Variants in SEZ6 observed in about 807,000 individuals in gnomAD.
The protein encoded by SEZ6 is seizure protein 6 homolog.
A neutral mutation model predicts 101.0 loss-of-function variants in SEZ6; 53 were observed. That is an observed-to-expected ratio of 0.52 (90% CI 0.42 to 0.66). SEZ6 has a LOEUF of 0.66. SEZ6 is among the 30% of genes least tolerant of loss of function. The probability of loss-of-function intolerance (pLI) is 0.00; values close to 1 mark genes in which losing one functional copy is unlikely to be tolerated. For synonymous variants in SEZ6, 488 were observed against 512.2 expected, an observed-to-expected ratio of 0.95 and a Z score of 0.64; for missense variants, 1,102 against 1,289.4, an observed-to-expected ratio of 0.85 and a Z score of 2.23.
intron 1 of SEZ6, among the ~76,000 whole-genome samples, chr17:28,992,572 C>T (rs974540971): frequency 6.6e-6 from 1 of 152,208 alleles, no homozygotes; most frequent in Non-Finnish European, 1.5e-5. Flanking sequence ...ATATTTCTCT[C>T]CAAGCTGGCT....
intron 3 of SEZ6, among the ~76,000 whole-genome samples, chr17:28,973,303 A>T (rs1167022095): frequency 6.6e-6 from 1 of 152,246 alleles, no homozygotes. Flanking sequence ...CTTCTGTAGA[A>T]ATAACATCTA....
chr17:28,959,746 C>G lies in SEZ6; in HGVS notation c.1723G>C (p.Val575Leu), dbSNP rs768731007. Residue 575 changes from valine to leucine, a missense_variant, in exon 8 of 17, where the codon GTT (valine) becomes CTT (leucine). Coordinates refer to ENST00000317338, the MANE Select transcript of SEZ6 (RefSeq NM_178860.5). This position sits in a 1 kb window ranked among gnomAD's most constrained non-coding sequence, Gnocchi z 4.4. ...LEQGSIIIECVDPHDPQWNET... is the reference protein window; with the variant it reads ...LEQGSIIIECLDPHDPQWNET... The stretch of plus-strand genomic sequence containing the variant: ...TTCCACTGGGGGTCGTGGGGGTCAA[C>G]ACACTCGATGATGATGGAGCCCTGC... 5 of 1,611,344 alleles carry G rather than the reference C, an allele frequency of 3.1e-6. No individual in the cohort carries two copies. Among genetic ancestry groups the G allele is most frequent in the African/African-American group, 1.3e-5 (1 of 74,898 alleles).
At chr17:28,983,513 T>G (rs1348781764) in intron 1 of SEZ6, among the ~76,000 whole-genome samples, 1 of 152,160 alleles carries the variant, frequency 6.6e-6, no homozygotes, top group Non-Finnish European at 1.5e-5. Flanking sequence ...TGAAACTGAT[T>G]TGCTATCTCT....
chr17:28,962,761 A>C (rs948154062), intron 5 of SEZ6, among the ~76,000 whole-genome samples: 1 of 149,624 alleles, frequency 6.7e-6, no homozygotes, highest in Admixed American at 6.7e-5. Context: ...AGCCTGGGTG[A>C]CAGAGGGAGA....
At chr17:28,975,316 G>A (rs1043231360) in intron 3 of SEZ6, among the ~76,000 whole-genome samples, 8 of 152,184 alleles carry the variant, frequency 5.3e-5, no homozygotes, top group African/African-American at 7.2e-5. Flanking sequence ...GCCTATAAGG[G>A]AGCTTGCTGA....
Position 28,959,639 on chromosome 17 carries a change from A to C in SEZ6, c.1771+59T>G. The C allele has an allele frequency of 6.5e-7, 1 of 1,536,898 alleles. No homozygotes were observed. Among genetic ancestry groups the C allele is most frequent in the Non-Finnish European group, 8.8e-7 (1 of 1,142,456 alleles). ...CCCTGTGGCCCCGGGCTCTGCTGCT[A>C]TTCTCCTGGTATGACCCTGCCTTTT... On this transcript the variant is annotated intron_variant, in intron 8 of 16. Transcript: ENST00000317338. The surrounding 1 kb of genome is among the most constrained non-coding windows in gnomAD (Gnocchi z 4.4).
Position 28,959,914 on chromosome 17 carries a change from C to A in SEZ6, c.1577-22G>T, listed in dbSNP as rs1343723971. Reference sequence around the variant, plus strand: ...AAGGCTGTAAACCACAGGTCCCAGCCCAGCTCAGCCTTGACTGGTATTAAA... The same window carrying A: ...AAGGCTGTAAACCACAGGTCCCAGCACAGCTCAGCCTTGACTGGTATTAAA... On this transcript the variant is annotated intron_variant, in intron 7 of 16. Coordinates refer to ENST00000317338, the MANE Select transcript of SEZ6 (RefSeq NM_178860.5). This position sits in a 1 kb window ranked among gnomAD's most constrained non-coding sequence, Gnocchi z 4.4. 1.3e-6 allele frequency: 2 copies of A among 1,586,730 alleles called. No individual in the cohort carries two copies. Among genetic ancestry groups the A allele is most frequent in the Non-Finnish European group, 1.7e-6 (2 of 1,166,842 alleles).
chr17:28,991,958 A>G (rs1240055481), intron 1 of SEZ6, among the ~76,000 whole-genome samples: 1 of 152,148 alleles, frequency 6.6e-6, no homozygotes, highest in Admixed American at 6.5e-5. Context: ...TTGCCCTCAC[A>G]TGTGTGTTCC....
rs1183743068 is a variant in SEZ6 at position 28,959,828 on chromosome 17, G to C, written c.1641C>G (p.Pro547=). The C allele has an allele frequency of 1.9e-6, 3 of 1,613,756 alleles. No homozygotes were observed. The highest frequency in any genetic ancestry group is 2.5e-6 in the Non-Finnish European group (3 of 1,179,850). ...CCACAGTGGTACCCACAGGGTAGGT[G>C]GGTGTGCTGCTGCTGAAGTTACCGT... ...VKYGNFSSST[P]TYPVGTTVEF... Residue 547 remains proline (P), a synonymous_variant, in exon 8 of 17, where the codon CCC becomes CCG. Transcript: ENST00000317338. The surrounding 1 kb of genome is among the most constrained non-coding windows in gnomAD (Gnocchi z 4.4).
intron 5 of SEZ6, among the ~76,000 whole-genome samples, chr17:28,963,123 C>T (rs554663293): frequency 1.5e-3 from 194 of 126,832 alleles, no homozygotes; most frequent in South Asian, 2.5e-3. Flanking sequence ...GACTCCGTCT[C>T]GAAGAAAAAA....
intron 1 of SEZ6, among the ~76,000 whole-genome samples, chr17:29,003,309 T>G (rs1206626612): frequency 6.6e-6 from 1 of 152,222 alleles, no homozygotes; most frequent in Non-Finnish European, 1.5e-5. Flanking sequence ...ACGCCCCTGA[T>G]GCCTGACGCC....
chr17:28,979,608 T>C, intron 3 of SEZ6, 72 bp downstream of exon 3: 2 of 1,596,946 alleles, frequency 1.3e-6, no homozygotes, highest in Non-Finnish European at 8.6e-7. Flanking sequence ...CATCCTCTCA[T>C]AGCATGTGCC....
At chr17:28,961,314 C>G (rs1333078758) in intron 5 of SEZ6, among the ~76,000 whole-genome samples, 3 of 152,134 alleles carry the variant, frequency 2.0e-5, no homozygotes, top group Non-Finnish European at 2.9e-5. Flanking sequence ...CCGACTCTCC[C>G]TAGGTAGACT....
chr17:28,980,349 G>A (rs1269048734), intron 2 of SEZ6, among the ~76,000 whole-genome samples: 1 of 151,306 alleles, frequency 6.6e-6, no homozygotes, highest in Non-Finnish European at 1.5e-5. Flanking sequence ...TAGGATTACA[G>A]GTGTACACCA....
intron 1 of SEZ6, among the ~76,000 whole-genome samples, chr17:28,991,259 C>T (rs547460624): frequency 6.6e-6 from 1 of 152,166 alleles, no homozygotes; most frequent in Non-Finnish European, 1.5e-5. Flanking sequence ...GGCTGGAGTG[C>T]AGTGGCACGA....
chr17:28,974,934 G>A (rs2041202353), intron 3 of SEZ6, among the ~76,000 whole-genome samples: 1 of 152,250 alleles, frequency 6.6e-6, no homozygotes, highest in South Asian at 2.1e-4. Flanking sequence ...TCACTGACCA[G>A]TTGAGGGGCC....
rs1158173969 is a variant in SEZ6 at position 28,958,084 on chromosome 17, C to G, written c.2165G>C (p.Ser722Thr). 1 of 1,609,854 alleles carries G rather than the reference C, an allele frequency of 6.2e-7. No homozygotes were observed. The highest frequency in any genetic ancestry group is 8.5e-7 in the Non-Finnish European group (1 of 1,176,608). ...GTGCACTAGCTCAGGCTGCGATGGG[C>G]TCTTCCAGCCATTGGGGATCTCAGG... ...ELPEIPNGWK[S>T]PSQPELVHGT... The change falls in exon 11 of 17, where the codon AGC becomes ACC. Residue 722 changes from serine to threonine, a missense_variant. By Grantham distance (58) the Ser-to-Thr change is moderately conservative. This residue lies in a region of SEZ6 where 556 missense variants were observed against 735.1 expected (regional missense o/e 0.76). Coordinates refer to ENST00000317338, the MANE Select transcript of SEZ6 (RefSeq NM_178860.5).
intron 1 of SEZ6, among the ~76,000 whole-genome samples, chr17:28,996,100 A>T (rs1001776349): frequency 4.0e-5 from 6 of 148,672 alleles, no homozygotes; most frequent in Non-Finnish European, 8.9e-5. Flanking sequence ...TCCCGGGTTC[A>T]CGCCATTCTC....
chr17:29,004,405 C>T (rs1472182846), intron 1 of SEZ6, among the ~76,000 whole-genome samples: 1 of 152,208 alleles, frequency 6.6e-6, no homozygotes, highest in African/African-American at 2.4e-5. Flanking sequence ...GACTCTTCCC[C>T]TCTCCCCAGA....
Sources: gnomAD v4.1 joint callset for allele counts (sites outside exome capture counted in the v4.1 genomes callset) on GRCh38, gnomAD v4.1.1 for gene constraint, gnomAD v4.1.1 regional missense constraint, Gnocchi (gnomAD v3.1) non-coding constraint, MANE v1.5 for transcripts, NCBI Gene and HGNC (gene_info 2026-07-23, HGNC 2026-07-21) for gene names.